SRPK2: variants seen among roughly 807,000 people sequenced by gnomAD.
SRPK2 encodes SFRS protein kinase 2.
A neutral mutation model predicts 90.8 loss-of-function variants in SRPK2; 21 were observed. The ratio of observed to expected loss-of-function variants is 0.23; its 90% CI spans 0.16 to 0.33. The LOEUF (loss-of-function observed/expected upper bound fraction) is 0.33. Among genes scored for constraint, SRPK2 ranks in the 10% least tolerant of loss-of-function variants. SRPK2 has a pLI of 1.00. For synonymous variants in SRPK2, 288 were observed against 311.1 expected (o/e 0.93, Z 0.78); for missense variants, 620 against 869.0 (o/e 0.71, Z 3.60).
At position 105,117,645 on chromosome 7, in the gene SRPK2, G is replaced by C. The variant is rs955886995; in HGVS notation, c.*193C>G. ...ATGGTCAGTAAACTACTTAGCTGAAGACAAAAGACTACCCTTCCCCAGGAT... is the reference window on the plus strand; with the variant it reads ...ATGGTCAGTAAACTACTTAGCTGAACACAAAAGACTACCCTTCCCCAGGAT... On this transcript the variant is annotated 3_prime_UTR_variant, in exon 16 of 16. Coordinates refer to ENST00000393651, the MANE Select transcript of SRPK2 (RefSeq NM_182692.3). 14 of 602,018 alleles carry C rather than the reference G, an allele frequency of 2.3e-5. No individual in the cohort carries two copies. The highest frequency in any genetic ancestry group is 3.7e-5 in the African/African-American group (2 of 53,694). The allele number at this position is 602,018 out of a possible 1,614,324, so 37.3% of individuals were successfully genotyped here. A position where few individuals can be genotyped will look rare whatever the true frequency, so the allele number is the denominator to read the frequency against.
intron 2 of SRPK2, among the ~76,000 whole-genome samples, chr7:105,368,223 G>A (rs1172118702): frequency 2.6e-5 from 4 of 152,106 alleles, no homozygotes; most frequent in Non-Finnish European, 4.4e-5. Context: ...TAAAAAACAT[G>A]GCCTTATTGC....
At position 105,169,180 on chromosome 7, in the gene SRPK2, A is replaced by G; in HGVS notation, c.315T>C (p.Thr105=). 4 of 1,613,214 alleles carry G rather than the reference A, an allele frequency of 2.5e-6. No individual in the cohort carries two copies. The highest frequency in any genetic ancestry group is 3.4e-6 in the Non-Finnish European group (4 of 1,179,830). Reference sequence around the variant, plus strand: ...ACTGCATATCCCAGCACAGCCAGACAGTAGAGAAGTGCCCCCATCCAAGCT... The same window carrying G: ...ACTGCATATCCCAGCACAGCCAGACGGTAGAGAAGTGCCCCCATCCAAGCT... ...IRKLGWGHFS[T]VWLCWDMQGK... is the part of the protein sequence containing the mutation. Residue 105 remains threonine, a synonymous_variant, in exon 4 of 16, where the codon ACT becomes ACC. Transcript: ENST00000393651.
intron 2 of SRPK2, among the ~76,000 whole-genome samples, chr7:105,377,432 CCTATAATCCCAGCACTTTG>C (rs1160909697): frequency 2.0e-5 from 3 of 151,558 alleles, no homozygotes; most frequent in Admixed American, 6.6e-5. Context: ...GTGGCTCATG[CCTATAATCCCAGCACTTTG>C]GGGGGCGGAG....
chr7:105,317,172 C>T (rs1433005764), intron 2 of SRPK2, among the ~76,000 whole-genome samples: 1 of 152,208 alleles, frequency 6.6e-6, no homozygotes, highest in African/African-American at 2.4e-5. Flanking sequence ...CTTTCTGTGT[C>T]AACATTTGCA....
chr7:105,125,548 T>A (rs934295092), intron 15 of SRPK2, among the ~76,000 whole-genome samples: 1 of 152,142 alleles, frequency 6.6e-6, no homozygotes, highest in Non-Finnish European at 1.5e-5. Flanking sequence ...GATTGGTAAC[T>A]TGGAGTAAAA....
chr7:105,365,423 T>G (rs538138561), intron 2 of SRPK2, among the ~76,000 whole-genome samples: 1 of 147,862 alleles, frequency 6.8e-6, no homozygotes, highest in African/African-American at 2.5e-5. Flanking sequence ...GAGGCGGAGA[T>G]TGCAGTGAGC....
At chr7:105,229,236 G>A (rs1023453742) in intron 2 of SRPK2, among the ~76,000 whole-genome samples, 22 of 152,156 alleles carry the variant, frequency 1.4e-4, no homozygotes, top group Admixed American at 1.3e-3. Flanking sequence ...GGCCGTCGCG[G>A]GCAGATCACG....
chr7:105,221,770 A>C (rs1374502084), intron 2 of SRPK2, among the ~76,000 whole-genome samples: 1 of 152,228 alleles, frequency 6.6e-6, no homozygotes, highest in Non-Finnish European at 1.5e-5. Flanking sequence ...TTCCAAAATT[A>C]ACATACAACT....
At chr7:105,127,983 G>T (rs1421087690) in intron 13 of SRPK2, among the ~76,000 whole-genome samples, 1 of 152,122 alleles carries the variant, frequency 6.6e-6, no homozygotes, top group Non-Finnish European at 1.5e-5. Context: ...CCGCCCCAAG[G>T]AGCCAATACT....
chr7:105,214,383 T>C (rs999113491), intron 2 of SRPK2, among the ~76,000 whole-genome samples: 23 of 152,240 alleles, frequency 1.5e-4, no homozygotes, highest in African/African-American at 4.3e-4. Context: ...AGTCAGTATA[T>C]AGCCATTTTA....
At position 105,248,938 on chromosome 7, in the gene SRPK2, A is replaced by AG. The variant is rs1478001570; in HGVS notation, c.72-45154_72-45153insC. 2.6e-5 allele frequency among the ~76,000 whole-genome samples: 4 copies of AG among 152,132 alleles called. No homozygotes were observed. The East Asian group carries it at 7.7e-4, about 29-fold the overall frequency. ...GAAGCTCCATCTCAAAAAAAAAAAA[A>AG]AAATTCAAAGGTTAAACCAGGCTGG... On this transcript the variant is annotated intron_variant, in intron 2 of 15. Coordinates refer to ENST00000393651, the MANE Select transcript of SRPK2 (RefSeq NM_182692.3).
At chr7:105,368,533 G>A (rs1036157266) in intron 2 of SRPK2, among the ~76,000 whole-genome samples, 4 of 152,052 alleles carry the variant, frequency 2.6e-5, no homozygotes, top group Non-Finnish European at 5.9e-5. Context: ...AGCATCCAGG[G>A]CTCTAATCCA....
At chr7:105,378,699 G>A (rs1006839341) in intron 2 of SRPK2, among the ~76,000 whole-genome samples, 5 of 150,100 alleles carry the variant, frequency 3.3e-5, no homozygotes, top group African/African-American at 1.2e-4. Context: ...GGTGGTGGAG[G>A]TTGCAGTGAG....
chr7:105,280,549 C>A (rs1452091443), intron 2 of SRPK2, among the ~76,000 whole-genome samples: 1 of 151,168 alleles, frequency 6.6e-6, no homozygotes, highest in Non-Finnish European at 1.5e-5. Context: ...TTTGGTAAGC[C>A]AACACCCACT....
intron 2 of SRPK2, among the ~76,000 whole-genome samples, chr7:105,278,741 G>A (rs1806863241): frequency 1.3e-5 from 2 of 151,560 alleles, no homozygotes; most frequent in South Asian, 4.2e-4. Context: ...AAAAGGAAAG[G>A]GGAAAAGGGG....
chr7:105,378,529 C>A (rs1585973457), intron 2 of SRPK2, among the ~76,000 whole-genome samples: 1 of 152,138 alleles, frequency 6.6e-6, no homozygotes, highest in African/African-American at 2.4e-5. Context: ...CTTTGGGAGG[C>A]CGAGGTGGGC....
intron 2 of SRPK2, among the ~76,000 whole-genome samples, chr7:105,310,156 G>A (rs1292322841): frequency 6.6e-6 from 1 of 152,174 alleles, no homozygotes; most frequent in Non-Finnish European, 1.5e-5. Context: ...AGGGAGATGA[G>A]CCTGGGAGGA....
At chr7:105,273,041 C>A (rs952071726) in intron 2 of SRPK2, among the ~76,000 whole-genome samples, 8 of 152,002 alleles carry the variant, frequency 5.3e-5, no homozygotes, top group African/African-American at 1.9e-4. Context: ...TGGTGAAACT[C>A]CGTCTCTACT....
At chr7:105,173,318 T>C (rs1791396803) in intron 3 of SRPK2, among the ~76,000 whole-genome samples, 1 of 152,218 alleles carries the variant, frequency 6.6e-6, no homozygotes, top group Admixed American at 6.5e-5. Flanking sequence ...CTTAACTTAC[T>C]TCTATTTTGA....
Sources: gnomAD v4.1 joint callset for allele counts (sites outside exome capture counted in the v4.1 genomes callset) on GRCh38, gnomAD v4.1.1 for gene constraint, MANE v1.5 for transcripts, NCBI Gene and HGNC (gene_info 2026-07-23, HGNC 2026-07-21) for gene names.